FBXL7: variants seen among roughly 807,000 people sequenced by gnomAD.
FBXL7 encodes the protein F-box/LRR-repeat protein 7.
Under a neutral mutation model 38.3 loss-of-function variants are expected in FBXL7, and 12 were observed. The observed-to-expected ratio is 0.31, with a 90% confidence interval of 0.20 to 0.51. FBXL7 has a LOEUF of 0.51. Ranked by LOEUF, FBXL7 falls within the 20% of genes least tolerant of loss-of-function variation. The pLI is 0.98. For synonymous variants in FBXL7, 297 were observed against 300.9 expected, an observed-to-expected ratio of 0.99 and a Z score of 0.13; for missense variants, 567 against 676.4, an observed-to-expected ratio of 0.84 and a Z score of 1.79.
intron 2 of FBXL7, among the ~76,000 whole-genome samples, chr5:15,760,246 C>T (rs1482253407): frequency 6.6e-6 from 1 of 151,938 alleles, no homozygotes; most frequent in African/African-American, 2.4e-5. Context: ...CATGCACAAA[C>T]CATAGCTGAT....
chr5:15,500,741 C>G, intron 1 of FBXL7, 28 bp downstream of exon 1: 1 of 1,601,982 alleles, frequency 6.2e-7, no homozygotes, highest in Admixed American at 1.7e-5. Context: ...CCTCAGACTC[C>G]CGGATCGCGT....
At chr5:15,569,081 T>C (rs892642707) in intron 1 of FBXL7, among the ~76,000 whole-genome samples, 4 of 152,220 alleles carry the variant, frequency 2.6e-5, no homozygotes, top group African/African-American at 9.6e-5. Flanking sequence ...AGGCTCTTTT[T>C]TGATTCCATA....
At chr5:15,921,133 G>A (rs1741729475) in intron 2 of FBXL7, among the ~76,000 whole-genome samples, 1 of 152,054 alleles carries the variant, frequency 6.6e-6, no homozygotes, top group Non-Finnish European at 1.5e-5. Flanking sequence ...TGTAATCTCA[G>A]CAATTTGGGA....
At chr5:15,672,669 C>G (rs1345757508) in intron 2 of FBXL7, among the ~76,000 whole-genome samples, 1 of 151,838 alleles carries the variant, frequency 6.6e-6, no homozygotes, top group South Asian at 2.1e-4. Context: ...ATTCTCCTGC[C>G]TCAGCCTCCC....
chr5:15,544,498 C>T (rs1043593320), intron 1 of FBXL7, among the ~76,000 whole-genome samples: 1 of 152,156 alleles, frequency 6.6e-6, no homozygotes, highest in African/African-American at 2.4e-5. Context: ...TGCAGTTGCT[C>T]TATGTCATTG....
intron 2 of FBXL7, among the ~76,000 whole-genome samples, chr5:15,697,575 G>C (rs1292961596): frequency 6.6e-6 from 1 of 151,890 alleles, no homozygotes; most frequent in African/African-American, 2.4e-5. Context: ...CTGCATTCTA[G>C]ATTCAAGGAG....
At chr5:15,619,316 T>C (rs1740550361) in intron 2 of FBXL7, among the ~76,000 whole-genome samples, 1 of 152,088 alleles carries the variant, frequency 6.6e-6, no homozygotes, top group African/African-American at 2.4e-5. Context: ...CATCAGGAGA[T>C]TGTCTCTCCC....
chr5:15,731,772 T>G (rs1186095919), intron 2 of FBXL7, among the ~76,000 whole-genome samples: 2 of 152,172 alleles, frequency 1.3e-5, no homozygotes, highest in African/African-American at 4.8e-5. Flanking sequence ...TGAATTTTCT[T>G]GATGAATCCC....
chr5:15,931,513 T>C (rs951726541), intron 3 of FBXL7, among the ~76,000 whole-genome samples: 22 of 152,140 alleles, frequency 1.4e-4, no homozygotes, highest in African/African-American at 3.9e-4. Context: ...TTCCTTCTTA[T>C]ACCCATCTCC....
At chr5:15,594,214 G>A (rs1460055766) in intron 1 of FBXL7, among the ~76,000 whole-genome samples, 2 of 152,218 alleles carry the variant, frequency 1.3e-5, no homozygotes, top group African/African-American at 2.4e-5. Flanking sequence ...TTTGAATGAG[G>A]TTGAGAAGGC....
At chr5:15,704,660 C>T (rs1299719865) in intron 2 of FBXL7, among the ~76,000 whole-genome samples, 1 of 152,174 alleles carries the variant, frequency 6.6e-6, no homozygotes, top group Non-Finnish European at 1.5e-5. Flanking sequence ...GAGTTAAATA[C>T]TATTGCAAAC....
At chr5:15,595,931 T>C (rs965769872) in intron 1 of FBXL7, among the ~76,000 whole-genome samples, 3 of 152,152 alleles carry the variant, frequency 2.0e-5, no homozygotes, top group Non-Finnish European at 4.4e-5. Context: ...AGGGGTCCTA[T>C]CTCAGCAGGT....
chr5:15,897,041 C>G (rs780030903), intron 2 of FBXL7, among the ~76,000 whole-genome samples: 1 of 152,074 alleles, frequency 6.6e-6, no homozygotes, highest in Admixed American at 6.5e-5. Flanking sequence ...GGGTGAGGCA[C>G]AAGAATCGCT....
intron 2 of FBXL7, among the ~76,000 whole-genome samples, chr5:15,880,227 G>A (rs7707125): frequency 0.31 from 47,318 of 152,012 alleles, 7,907 homozygotes; most frequent in Admixed American, 0.44. Context: ...CTCATGTTTA[G>A]CTTGCATTCT....
rs142100096 is a variant in FBXL7, at chr5:15,502,678, C to A, written c.37+1965C>A. On this transcript the variant is annotated intron_variant, in intron 1 of 3. Coordinates refer to ENST00000504595, the MANE Select transcript of FBXL7 (RefSeq NM_012304.5). ...GGTGAGGAAAACAGAAATAGAATGACCTTCTTTTTTCTTCTCTAAACCCCA... is the reference window on the plus strand; with the variant it reads ...GGTGAGGAAAACAGAAATAGAATGAACTTCTTTTTTCTTCTCTAAACCCCA... Among the ~76,000 whole-genome samples the A allele has an allele frequency of 7.9e-5, 12 of 152,274 alleles. No homozygotes were observed. The East Asian group carries it at 1.9e-3, about 24-fold the overall frequency.
chr5:15,722,651 C>G lies in FBXL7; in HGVS notation c.127+106579C>G, dbSNP rs1431427669. 3.3e-5 allele frequency among the ~76,000 whole-genome samples: 5 copies of G among 151,930 alleles called. No individual in the cohort carries two copies. In the East Asian group the frequency reaches 7.7e-4, roughly 23 times the overall value. On this transcript the variant is annotated intron_variant, in intron 2 of 3. Transcript: ENST00000504595. ...TGTAAGCAGAAGACAGGCTGAGTGC[C>G]TTTGCTCATGTCTGTAATCCCAGCA...
chr5:15,786,464 C>T lies in FBXL7; in HGVS notation c.128-141426C>T, dbSNP rs532272220. On this transcript the variant is annotated intron_variant, in intron 2 of 3. Coordinates refer to ENST00000504595, the MANE Select transcript of FBXL7 (RefSeq NM_012304.5). ...TTTCTACTTCTTTCATTGCCTGTTT[C>T]CTGGCAGAAATGTCCTGAGAGTATT... 2.0e-5 allele frequency among the ~76,000 whole-genome samples: 3 copies of T among 152,222 alleles called. No individual in the cohort carries two copies. In the South Asian group the frequency reaches 6.2e-4, roughly 32 times the overall value.
chr5:15,934,982 G>T (rs570405742), intron 3 of FBXL7, among the ~76,000 whole-genome samples: 5 of 152,322 alleles, frequency 3.3e-5, no homozygotes, highest in African/African-American at 1.2e-4. Flanking sequence ...GAAAGCAGGG[G>T]ATGCTAGTTT....
rs769266 is a variant in FBXL7 at position 15,819,682 on chromosome 5, G to T, written c.128-108208G>T. 4.0e-3 allele frequency among the ~76,000 whole-genome samples: 606 copies of T among 152,248 alleles called. 4 individuals carry two copies. Among genetic ancestry groups the T allele is most frequent in the African/African-American group, 0.014 (577 of 41,540 alleles). ...TCACAATGAAAGCCACAAAAGCATGGAGTGCGTTTGATATCAACCAGTTTG... is the reference window on the plus strand; with the variant it reads ...TCACAATGAAAGCCACAAAAGCATGTAGTGCGTTTGATATCAACCAGTTTG... On this transcript the variant is annotated intron_variant, in intron 2 of 3. Transcript: ENST00000504595.
Sources: gnomAD v4.1 joint callset for allele counts (sites outside exome capture counted in the v4.1 genomes callset) on GRCh38, gnomAD v4.1.1 for gene constraint, MANE v1.5 for transcripts, NCBI Gene and HGNC (gene_info 2026-07-23, HGNC 2026-07-21) for gene names.